Variants in AGMO observed in about 807,000 individuals in gnomAD.
AGMO encodes the protein alkylglycerol monooxygenase, also known as glyceryl-ether monooxygenase.
AGMO carries 75 observed loss-of-function variants against 60.2 expected under a neutral mutation model. The ratio of observed to expected loss-of-function variants is 1.25; its 90% CI spans 1.03 to 1.51. AGMO has a LOEUF of 1.51. AGMO is among the 40% of genes most tolerant of loss of function. The pLI is 0.00. For missense variants in AGMO, 763 were observed against 525.5 expected (o/e 1.45, Z -4.42); for synonymous variants, 261 against 177.1 (o/e 1.47, Z -3.76).
intron 3 of AGMO, among the ~76,000 whole-genome samples, chr7:15,465,212 G>A (rs559109154): frequency 5.3e-5 from 8 of 152,008 alleles, no homozygotes; most frequent in Admixed American, 3.9e-4. Flanking sequence ...CTCACCAAAT[G>A]TGGGCTCGCC....
chr7:15,494,177 T>C (rs1008004346), intron 3 of AGMO, among the ~76,000 whole-genome samples: 3 of 152,192 alleles, frequency 2.0e-5, no homozygotes, highest in Non-Finnish European at 4.4e-5. Context: ...CTGATAACTT[T>C]CTTAAGACAA....
intron 12 of AGMO, among the ~76,000 whole-genome samples, chr7:15,351,330 G>T (rs1049084616): frequency 6.6e-6 from 1 of 152,118 alleles, no homozygotes; most frequent in Non-Finnish European, 1.5e-5. Context: ...GAAATTGCAA[G>T]ACTTGAAAGA....
rs190774548 is a variant in AGMO, at chr7:15,370,616, T to C, written c.1075-4394A>G. On this transcript the variant is annotated intron_variant, in intron 10 of 12. Coordinates refer to ENST00000342526, the MANE Select transcript of AGMO (RefSeq NM_001004320.2). ...TGTGAAACAGTATCTCATTGTGGTT[T>C]TGATTTGCATTTCTCTAATGATTAG... Among the ~76,000 whole-genome samples, 46 of 152,332 alleles carry C rather than the reference T, an allele frequency of 3.0e-4. No homozygotes were observed. The East Asian group carries it at 6.9e-3, about 23-fold the overall frequency.
chr7:15,508,015 T>C (rs1783565134), intron 3 of AGMO, among the ~76,000 whole-genome samples: 1 of 151,936 alleles, frequency 6.6e-6, no homozygotes, highest in African/African-American at 2.4e-5. Flanking sequence ...AAAATGGAAA[T>C]AAAATGAGAT....
At chr7:15,247,681 A>G (rs1782789491) in intron 12 of AGMO, among the ~76,000 whole-genome samples, 1 of 152,206 alleles carries the variant, frequency 6.6e-6, no homozygotes, top group South Asian at 2.1e-4. Context: ...GAAAACTAAT[A>G]ACAAAATATT....
intron 3 of AGMO, among the ~76,000 whole-genome samples, chr7:15,452,917 T>G (rs984678693): frequency 6.6e-6 from 1 of 152,206 alleles, no homozygotes; most frequent in Non-Finnish European, 1.5e-5. Context: ...GTGATACATG[T>G]GCAGTGTGAA....
At chr7:15,379,277 C>G (rs1439724544) in intron 10 of AGMO, among the ~76,000 whole-genome samples, 2 of 151,850 alleles carry the variant, frequency 1.3e-5, no homozygotes, top group African/African-American at 4.8e-5. Flanking sequence ...ACAGCTGAAG[C>G]AAAGGAGATT....
the AGMO span, among the ~76,000 whole-genome samples, chr7:15,159,916 G>A: frequency 5.9e-5 from 9 of 152,088 alleles, no homozygotes; most frequent in East Asian, 1.9e-4. Context: ...TCTCAGATCC[G>A]ATGTATTTCT....
At chr7:15,309,179 TG>T (rs769826242) in intron 12 of AGMO, among the ~76,000 whole-genome samples, 1 of 152,068 alleles carries the variant, frequency 6.6e-6, no homozygotes, top group Non-Finnish European at 1.5e-5. Context: ...AAAAATCCTT[TG>T]GGGGAACATC....
At chr7:15,530,752 A>G (rs899567267) in intron 3 of AGMO, among the ~76,000 whole-genome samples, 1 of 140,860 alleles carries the variant, frequency 7.1e-6, no homozygotes, top group Non-Finnish European at 1.5e-5. Flanking sequence ...ATTTCTATAT[A>G]GATATTCTAT....
rs1415521153 is a variant in AGMO, at chr7:15,440,587, T to C, written c.410-9479A>G. Among the ~76,000 whole-genome samples, 26 of 152,152 alleles carry C rather than the reference T, an allele frequency of 1.7e-4. 1 individual carries two copies. Among genetic ancestry groups the C allele is most frequent in the Admixed American group, 1.7e-3 (26 of 15,276 alleles). ...CATCTTATTTTCCATATTTAGGTGT[T>C]ACAGATAGGTAGTATGGTGCTCATG... On this transcript the variant is annotated intron_variant, in intron 3 of 12. Transcript: ENST00000342526.
At chr7:15,148,846 G>C in the AGMO span, among the ~76,000 whole-genome samples, 3 of 152,058 alleles carry the variant, frequency 2.0e-5, no homozygotes, top group African/African-American at 4.8e-5. Context: ...CCAGGAATTG[G>C]ATTAGTGGGT....
At chr7:15,401,430 T>C (rs1784549797) in intron 5 of AGMO, among the ~76,000 whole-genome samples, 1 of 152,154 alleles carries the variant, frequency 6.6e-6, no homozygotes, top group South Asian at 2.1e-4. Flanking sequence ...ATCAAAAATA[T>C]TCAGTTTGTT....
At chr7:15,468,806 G>T (rs1782363008) in intron 3 of AGMO, among the ~76,000 whole-genome samples, 1 of 152,038 alleles carries the variant, frequency 6.6e-6, no homozygotes, top group South Asian at 2.1e-4. Context: ...TGTGGATTGA[G>T]GTAATCCGGG....
At chr7:15,126,492 T>C in the AGMO span, among the ~76,000 whole-genome samples, 7 of 152,076 alleles carry the variant, frequency 4.6e-5, no homozygotes, top group African/African-American at 1.7e-4. Flanking sequence ...GAAATAAAGT[T>C]CAAGTGATCA....
At chr7:15,190,576 T>C in the AGMO span, among the ~76,000 whole-genome samples, 88,265 of 151,870 alleles carry the variant, frequency 0.58, 27,597 homozygotes, top group African/African-American at 0.83. Flanking sequence ...GTAAAATTCT[T>C]CTAAGATTCT....
At position 15,448,323 on chromosome 7, in the gene AGMO, G is replaced by A. The variant is rs901006626; in HGVS notation, c.410-17215C>T. The stretch of plus-strand genomic sequence containing the variant: ...CTAAAAGAGACTCCAAAGAGATCCC[G>A]CACCTCTTCTGCCATATGAGTTTAC... On this transcript the variant is annotated intron_variant, in intron 3 of 12. Coordinates refer to ENST00000342526, the MANE Select transcript of AGMO (RefSeq NM_001004320.2). Among the ~76,000 whole-genome samples, 214 of 152,246 alleles carry A rather than the reference G, an allele frequency of 1.4e-3. 1 individual carries two copies. Among genetic ancestry groups the A allele is most frequent in the Non-Finnish European group, 4.3e-4 (29 of 68,014 alleles).
intron 12 of AGMO, among the ~76,000 whole-genome samples, chr7:15,313,606 A>C (rs746477190): frequency 1.3e-5 from 2 of 152,100 alleles, no homozygotes; most frequent in Non-Finnish European, 2.9e-5. Flanking sequence ...CTCAAACAGA[A>C]AGGAGAGAGA....
At chr7:15,258,099 G>A (rs886821484) in intron 12 of AGMO, among the ~76,000 whole-genome samples, 16 of 152,032 alleles carry the variant, frequency 1.1e-4, no homozygotes, top group African/African-American at 1.4e-4. Flanking sequence ...AACACTATCC[G>A]TATAAATTCC....
Sources: allele counts gnomAD v4.1 joint callset (sites outside exome capture counted in the v4.1 genomes callset), GRCh38; gene constraint gnomAD v4.1.1; transcripts MANE v1.5; gene names NCBI Gene and HGNC (gene_info 2026-07-23, HGNC 2026-07-21).